The following DEAF1 variants were observed in gnomAD, a reference collection of about 807,000 sequenced individuals.
The protein encoded by DEAF1 is DEAF1 transcription factor, also known as deformed epidermal autoregulatory factor 1 homolog.
A neutral mutation model predicts 58.9 loss-of-function variants in DEAF1; 53 were observed. The observed-to-expected ratio is 0.90, with a 90% CI of 0.72 to 1.13. The LOEUF (loss-of-function observed/expected upper bound fraction) is 1.13. DEAF1 is among the 50% of genes most tolerant of loss of function. The probability of loss-of-function intolerance (pLI) is 0.00; values close to 1 mark genes in which losing one functional copy is unlikely to be tolerated. For missense variants in DEAF1, 685 were observed against 791.4 expected (o/e 0.87, Z 1.61); for synonymous variants, 385 against 340.4 (o/e 1.13, Z -1.44).
intron 10 of DEAF1, among the ~76,000 whole-genome samples, chr11:657,871 G>A (rs1022957281): frequency 6.6e-6 from 1 of 152,166 alleles, no homozygotes; most frequent in African/African-American, 2.4e-5. Flanking sequence ...TGAGGGTGCT[G>A]GGCAAATGGT....
In DEAF1 at chr11:684,973, G is replaced by A. The variant is rs1860526926; in HGVS notation, c.805-10C>T. 3 of 1,549,028 alleles carry A rather than the reference G, an allele frequency of 1.9e-6. No individual in the cohort carries two copies. Among genetic ancestry groups the A allele is most frequent in the East Asian group, 2.5e-5 (1 of 40,730 alleles). On this transcript the variant is annotated splice_polypyrimidine_tract_variant and intron_variant, in intron 5 of 11. Transcript: ENST00000382409. ...GGTTTAAGATCCCATCCTGAGATGTGAAAAGAACCACCATGCATTAGCAAG... is the reference window on the plus strand; with the variant it reads ...GGTTTAAGATCCCATCCTGAGATGTAAAAAGAACCACCATGCATTAGCAAG...
intron 10 of DEAF1, among the ~76,000 whole-genome samples, chr11:670,055 G>A (rs1463488075): frequency 6.7e-6 from 1 of 149,190 alleles, no homozygotes; most frequent in African/African-American, 2.5e-5. Flanking sequence ...GAGTGACAGA[G>A]TGAGATGCTG....
At chr11:701,637 C>T (rs1861494100) in intron 1 of DEAF1, among the ~76,000 whole-genome samples, 1 of 151,940 alleles carries the variant, frequency 6.6e-6, no homozygotes. Context: ...TTTCCATCTC[C>T]TGACCTCCTG....
At chr11:690,280 G>A (rs1860773407) in intron 2 of DEAF1, among the ~76,000 whole-genome samples, 1 of 10,766 alleles carries the variant, frequency 9.3e-5, no homozygotes, top group African/African-American at 3.2e-4. Context: ...GCAGGGGAGG[G>A]CAGGGGAGGG....
intron 6 of DEAF1, among the ~76,000 whole-genome samples, chr11:683,196 C>A (rs1038218860): frequency 2.0e-5 from 3 of 152,144 alleles, no homozygotes; most frequent in Non-Finnish European, 2.9e-5. Context: ...ACTCCCCAAG[C>A]GGAAGCCAAA....
intron 10 of DEAF1, among the ~76,000 whole-genome samples, chr11:654,351 G>C (rs1228733798): frequency 6.6e-6 from 1 of 150,910 alleles, no homozygotes; most frequent in African/African-American, 2.5e-5. Context: ...ATTTTTAGTA[G>C]AGACAGGGTT....
intron 11 of DEAF1, among the ~76,000 whole-genome samples, chr11:649,683 G>GCA (rs1459339340): frequency 6.6e-6 from 1 of 152,042 alleles, no homozygotes; most frequent in Admixed American, 6.6e-5. Context: ...TTACGCCAGT[G>GCA]CACTCCAGCC....
At chr11:670,778 T>TG (rs1564937023) in intron 10 of DEAF1, among the ~76,000 whole-genome samples, 4 of 12,542 alleles carry the variant, frequency 3.2e-4, no homozygotes, top group Admixed American at 7.3e-4. Context: ...TTTGTTTTTG[T>TG]TTTTTTTTTT....
Position 688,218 on chromosome 11 carries a change from G to A in DEAF1, c.517+113C>T. The A allele has an allele frequency of 2.0e-6, 3 of 1,514,360 alleles. No homozygotes were observed. Among genetic ancestry groups the A allele is most frequent in the Non-Finnish European group, 2.7e-6 (3 of 1,118,420 alleles). The allele number at this position is 1,514,360 out of a possible 1,614,324, so 93.8% of individuals were successfully genotyped here. On this transcript the variant is annotated intron_variant, in intron 3 of 11. Coordinates refer to ENST00000382409, the MANE Select transcript of DEAF1 (RefSeq NM_021008.4). The surrounding 1 kb of genome is among the most constrained non-coding windows in gnomAD (Gnocchi z 4.3). ...TGCTTTTACTTAAAATCTATTAATA[G>A]ATGATATTCCAAATTTACCACAAAA...
Position 688,500 on chromosome 11 carries a change from T to C in DEAF1, c.388-40A>G. ...CGCTCCGTCAGGTCACGTCCGAGAGTGACACCAGGCGTGTCACTGAGCCCA... is the reference window on the plus strand; with the variant it reads ...CGCTCCGTCAGGTCACGTCCGAGAGCGACACCAGGCGTGTCACTGAGCCCA... On this transcript the variant is annotated intron_variant, in intron 2 of 11. Coordinates refer to ENST00000382409, the MANE Select transcript of DEAF1 (RefSeq NM_021008.4). This position sits in a 1 kb window ranked among gnomAD's most constrained non-coding sequence, Gnocchi z 4.3. 1.9e-6 allele frequency: 3 copies of C among 1,611,840 alleles called. No individual in the cohort carries two copies. The highest frequency in any genetic ancestry group is 2.5e-6 in the Non-Finnish European group (3 of 1,179,826).
Position 694,875 on chromosome 11 carries a change from C to A in DEAF1, c.173G>T (p.Arg58Leu). The A allele has an allele frequency of 1.3e-6, 2 of 1,501,266 alleles. No homozygotes were observed. The highest frequency in any genetic ancestry group is 1.8e-6 in the Non-Finnish European group (2 of 1,129,986). 93.0% of individuals were successfully genotyped at this position (1,501,266 alleles called of 1,614,324 possible). A position where few individuals can be genotyped will look rare whatever the true frequency, so the allele number is the denominator to read the frequency against. ...CACTGCCGTGACCCGCGGCGTCTCC[C>A]GCTCCGCCTCCGAGTCTGCGTCCTC... ...SEEDADSEAE[R>L]ETPRVTAVAV... Residue 58 changes from arginine (R) to leucine (L), a missense_variant, in exon 1 of 12, where the codon CGG becomes CTG. Transcript: ENST00000382409.
chr11:694,996 C>T lies in DEAF1; in HGVS notation c.52G>A (p.Ala18Thr). Residue 18 changes from alanine to threonine, a missense_variant, in exon 1 of 12, where the codon GCG becomes ACG. Physicochemically the swap from Ala to Thr is moderately conservative, Grantham distance 58. Around this residue, in one of 3 missense-constraint regions of DEAF1, gnomAD observed 210 missense variants for 177.3 expected, o/e 1.18. Coordinates refer to ENST00000382409, the MANE Select transcript of DEAF1 (RefSeq NM_021008.4). ...GCCACAGCGGCCGCGGCCGCCACCG[C>T]CGCCGCCTCAGCCAGGCCCAGCTGC... ...AKQLGLAEAA[A>T]VAAAAAVAAA... The T allele has an allele frequency of 8.3e-7, 1 of 1,209,742 alleles. No individual in the cohort carries two copies. The highest frequency in any genetic ancestry group is 1.0e-6 in the Non-Finnish European group (1 of 972,610). 74.9% of individuals were successfully genotyped at this position (1,209,742 alleles called of 1,614,324 possible).
rs1302281027 is a variant in DEAF1 at position 694,808 on chromosome 11, G to A, written c.240C>T (p.Ala80=). The stretch of plus-strand genomic sequence containing the variant: ...CCTCGTCGGGGCCGGGCAGGGCCTC[G>A]GCGCCCATGTCCATGTGCCCGGGCT... ...AAEPGHMDMG[A]EALPGPDEAA... Residue 80 remains alanine, a synonymous_variant, in exon 1 of 12, where the codon GCC becomes GCT. Coordinates refer to ENST00000382409, the MANE Select transcript of DEAF1 (RefSeq NM_021008.4). The A allele has an allele frequency of 1.4e-6, 2 of 1,413,632 alleles. No homozygotes were observed. The highest frequency in any genetic ancestry group is 9.2e-7 in the Non-Finnish European group (1 of 1,085,118). 87.6% of individuals were successfully genotyped at this position (1,413,632 alleles called of 1,614,324 possible). A position where few individuals can be genotyped will look rare whatever the true frequency, so the allele number is the denominator to read the frequency against.
At chr11:665,331 C>G (rs368521419) in intron 10 of DEAF1, among the ~76,000 whole-genome samples, 1 of 152,194 alleles carries the variant, frequency 6.6e-6, no homozygotes, top group East Asian at 1.9e-4. Context: ...GGGTGTCACA[C>G]TCAGAGCCTC....
intron 1 of DEAF1, chr11:703,491 G>A: frequency 8.0e-7 from 1 of 1,256,752 alleles, no homozygotes; most frequent in Non-Finnish European, 1.0e-6. Context: ...GGGCCGAGAG[G>A]GAGGACAGAG....
At chr11:648,266 C>T (rs1236194185) in intron 11 of DEAF1, among the ~76,000 whole-genome samples, 2 of 149,272 alleles carry the variant, frequency 1.3e-5, no homozygotes, top group Non-Finnish European at 3.0e-5. Context: ...ACGATCTCGG[C>T]TCACTGCAAG....
intron 2 of DEAF1, among the ~76,000 whole-genome samples, chr11:690,633 C>T (rs1192188390): frequency 1.3e-5 from 2 of 152,030 alleles, no homozygotes; most frequent in Non-Finnish European, 2.9e-5. Context: ...GTAATCCCAG[C>T]TACTCAGGAG....
rs1166736149 is a variant in DEAF1 at position 679,783 on chromosome 11, G to A, written c.1031C>T (p.Ser344Leu). 1.2e-6 allele frequency: 2 copies of A among 1,613,852 alleles called. No individual in the cohort carries two copies. The highest frequency in any genetic ancestry group is 8.5e-7 in the Non-Finnish European group (1 of 1,180,048). ...CGCTCGGTCAAAGGTCAGTGCCCCCGAGGTCGTGATCTGTCCCGAGGGGGT... is the reference window on the plus strand; with the variant it reads ...CGCTCGGTCAAAGGTCAGTGCCCCCAAGGTCGTGATCTGTCCCGAGGGGGT... ...TVTPSGQITT[S>L]GALTFDRAST... The change falls in exon 8 of 12, where the codon TCG becomes TTG. Residue 344 changes from serine (S) to leucine (L), a missense_variant. Coordinates refer to ENST00000382409, the MANE Select transcript of DEAF1 (RefSeq NM_021008.4).
At chr11:691,105 G>A (rs1261126822) in intron 2 of DEAF1, among the ~76,000 whole-genome samples, 1 of 152,232 alleles carries the variant, frequency 6.6e-6, no homozygotes, top group South Asian at 2.1e-4. Context: ...TAAATGCTAC[G>A]AGAACAGGAT....
Sources: gnomAD v4.1 joint callset for allele counts (sites outside exome capture counted in the v4.1 genomes callset) on GRCh38, gnomAD v4.1.1 for gene constraint, gnomAD v4.1.1 regional missense constraint, Gnocchi (gnomAD v3.1) non-coding constraint, MANE v1.5 for transcripts, NCBI Gene and HGNC (gene_info 2026-07-23, HGNC 2026-07-21) for gene names.